HIBCH: variants seen among roughly 807,000 people sequenced by gnomAD.
The protein encoded by HIBCH is 3-hydroxyisobutyryl-CoA hydrolase.
Under a neutral mutation model 58.2 loss-of-function variants are expected in HIBCH, and 50 were observed. The observed-to-expected ratio is 0.86, with a 90% CI of 0.68 to 1.09. The LOEUF is 1.09. HIBCH is among the 50% of genes least tolerant of loss of function. The pLI, the probability that HIBCH is intolerant of heterozygous loss-of-function variation, is 0.00. For synonymous variants in HIBCH, 151 were observed against 146.9 expected, an observed-to-expected ratio of 1.03 and a Z score of -0.20; for missense variants, 450 against 449.7, an observed-to-expected ratio of 1.00 and a Z score of -0.01.
intron 7 of HIBCH, among the ~76,000 whole-genome samples, chr2:190,258,045 T>C (rs933894697): frequency 1.3e-5 from 2 of 152,178 alleles, no homozygotes; most frequent in African/African-American, 4.8e-5. Flanking sequence ...TCATGTTGAA[T>C]TGTAATCCCC....
At chr2:190,298,764 C>T (rs1420656058) in intron 2 of HIBCH, among the ~76,000 whole-genome samples, 3 of 152,078 alleles carry the variant, frequency 2.0e-5, no homozygotes, top group Non-Finnish European at 4.4e-5. Flanking sequence ...TCCCATTTGT[C>T]AATTTTGGCT....
At chr2:190,286,111 G>C (rs1210193330) in intron 6 of HIBCH, among the ~76,000 whole-genome samples, 2 of 152,080 alleles carry the variant, frequency 1.3e-5, no homozygotes, top group Non-Finnish European at 2.9e-5. Flanking sequence ...CAAAGTGCTA[G>C]GATTACAGGC....
intron 11 of HIBCH, 138 bp from the exon 12 acceptor site, chr2:190,213,213 A>G: frequency 1.4e-6 from 1 of 724,142 alleles, no homozygotes; most frequent in East Asian, 2.6e-5. Context: ...TAATCCTGCC[A>G]AAGCACCAAA....
chr2:190,314,283 ATATATATG>A lies in HIBCH; in HGVS notation c.36-3495_36-3488del, dbSNP rs1559068199. ...GGACCAGTTACTACAAAAAAAATATATATATATGTATATATACATATATATGTGTATAT... is the reference window on the plus strand; with the variant it reads ...GGACCAGTTACTACAAAAAAAATATATATATATACATATATATGTGTATAT... On this transcript the variant is annotated intron_variant, in intron 1 of 13. Coordinates refer to ENST00000359678, the MANE Select transcript of HIBCH (RefSeq NM_014362.4). Among the ~76,000 whole-genome samples the A allele has an allele frequency of 5.6e-4, 64 of 114,990 alleles. 1 individual carries two copies. Among genetic ancestry groups the A allele is most frequent in the South Asian group, 2.2e-3 (8 of 3,664 alleles). 75.4% of individuals were successfully genotyped at this position (114,990 alleles called of 152,430 possible).
At chr2:190,294,665 T>A (rs182512422) in intron 3 of HIBCH, 35 bp from the exon 4 acceptor site, 1 of 1,388,116 alleles carries the variant, frequency 7.2e-7, no homozygotes, top group Non-Finnish European at 1.0e-6. Flanking sequence ...TATAAGCATA[T>A]TATAAACACA....
chr2:190,205,486 G>A (rs1243876710), intron 13 of HIBCH, among the ~76,000 whole-genome samples: 1 of 151,994 alleles, frequency 6.6e-6, no homozygotes, highest in African/African-American at 2.4e-5. Context: ...AAAGCCTACT[G>A]AATTAATCCA....
At chr2:190,208,726 C>T (rs111692531) in intron 13 of HIBCH, 154 bp downstream of exon 13, 5 of 594,890 alleles carry the variant, frequency 8.4e-6, no homozygotes, top group African/African-American at 7.8e-5. Flanking sequence ...GTCCAATGAA[C>T]ATTTGAGTGT....
intron 11 of HIBCH, among the ~76,000 whole-genome samples, chr2:190,241,521 G>A (rs532532484): frequency 6.6e-6 from 1 of 152,294 alleles, no homozygotes; most frequent in South Asian, 2.1e-4. Context: ...ATGCTAGCTG[G>A]TTATTTTGCC....
chr2:190,309,602 G>A (rs1287935995), intron 2 of HIBCH, among the ~76,000 whole-genome samples: 2 of 151,386 alleles, frequency 1.3e-5, no homozygotes, highest in African/African-American at 2.4e-5. Context: ...TGTCGCCCAG[G>A]CTGGAGTGCA....
intron 6 of HIBCH, among the ~76,000 whole-genome samples, chr2:190,286,240 C>G (rs1171581797): frequency 6.6e-6 from 1 of 152,168 alleles, no homozygotes; most frequent in Non-Finnish European, 1.5e-5. Flanking sequence ...AACAAACAAG[C>G]CTACCTAAGT....
intron 11 of HIBCH, among the ~76,000 whole-genome samples, chr2:190,233,140 A>G (rs1476969889): frequency 6.6e-6 from 1 of 151,996 alleles, no homozygotes; most frequent in Admixed American, 6.6e-5. Flanking sequence ...CATATGTAAC[A>G]TGTTTTATTC....
At chr2:190,205,275 T>G in intron 13 of HIBCH, 43 bp from the exon 14 acceptor site, 1 of 1,055,560 alleles carries the variant, frequency 9.5e-7, no homozygotes, top group Non-Finnish European at 1.5e-6. Flanking sequence ...TATTTTTGTC[T>G]AATATTGCTA....
Position 190,206,492 on chromosome 2 carries a change from A to AT in HIBCH, c.1046-1261dup, listed in dbSNP as rs1320828420. ...TTTGTTATTTTATTTCAAGCTAACA[A>AT]TTTTTTTACTAGAATACATACAAGT... On this transcript the variant is annotated intron_variant, in intron 13 of 13. Coordinates refer to ENST00000359678, the MANE Select transcript of HIBCH (RefSeq NM_014362.4). The surrounding 1 kb of genome is among the most constrained non-coding windows in gnomAD (Gnocchi z 5.1). 1.3e-5 allele frequency among the ~76,000 whole-genome samples: 2 copies of AT among 152,096 alleles called. No individual in the cohort carries two copies. The highest frequency in any genetic ancestry group is 4.8e-5 in the African/African-American group (2 of 41,406).
At chr2:190,292,185 T>C (rs1050047474) in intron 4 of HIBCH, among the ~76,000 whole-genome samples, 2 of 152,166 alleles carry the variant, frequency 1.3e-5, no homozygotes, top group African/African-American at 4.8e-5. Flanking sequence ...TTTCACTATA[T>C]TGGCCAGGCC....
At chr2:190,239,413 T>C (rs1686384119) in intron 11 of HIBCH, among the ~76,000 whole-genome samples, 1 of 152,116 alleles carries the variant, frequency 6.6e-6, no homozygotes. Flanking sequence ...GCCTCCAACT[T>C]TGTTCTTTTT....
At chr2:190,244,387 G>C (rs1488673371) in intron 11 of HIBCH, among the ~76,000 whole-genome samples, 3 of 152,134 alleles carry the variant, frequency 2.0e-5, no homozygotes, top group Non-Finnish European at 4.4e-5. Flanking sequence ...ACCTAACACA[G>C]AAACACTACA....
downstream of HIBCH, among the ~76,000 whole-genome samples, chr2:190,199,330 G>A (rs13415995): frequency 0.29 from 43,343 of 151,990 alleles, 6,810 homozygotes; most frequent in East Asian, 0.47. Flanking sequence ...ATGTAAACAC[G>A]TGAGCATGGC....
intron 2 of HIBCH, among the ~76,000 whole-genome samples, chr2:190,300,134 G>T (rs1018718515): frequency 6.6e-6 from 1 of 152,186 alleles, no homozygotes; most frequent in African/African-American, 2.4e-5. Context: ...ACATACGTGT[G>T]CATGTGTCTT....
intron 2 of HIBCH, among the ~76,000 whole-genome samples, chr2:190,307,153 A>C (rs1017133681): frequency 1.3e-5 from 2 of 152,226 alleles, no homozygotes; most frequent in Non-Finnish European, 2.9e-5. Context: ...ATAGGATTAA[A>C]AGGACTATTA....
Sources: allele counts gnomAD v4.1 joint callset (sites outside exome capture counted in the v4.1 genomes callset), GRCh38; gene constraint gnomAD v4.1.1; non-coding constraint Gnocchi (gnomAD v3.1); transcripts MANE v1.5; gene names NCBI Gene and HGNC (gene_info 2026-07-23, HGNC 2026-07-21).